Variants in CCDC18 observed in about 807,000 individuals in gnomAD.
The protein encoded by CCDC18 is coiled-coil domain-containing protein 18.
A neutral mutation model predicts 196.0 loss-of-function variants in CCDC18; 157 were observed. The observed-to-expected ratio is 0.80, with a 90% CI of 0.70 to 0.91. The LOEUF (loss-of-function observed/expected upper bound fraction) is 0.91. Among genes scored for constraint, CCDC18 ranks in the 40% least tolerant of loss-of-function variants. The pLI, the probability that CCDC18 is intolerant of heterozygous loss-of-function variation, is 0.00. For synonymous variants in CCDC18, 482 were observed against 529.2 expected, an observed-to-expected ratio of 0.91 and a Z score of 1.22; for missense variants, 1,465 against 1,611.6, an observed-to-expected ratio of 0.91 and a Z score of 1.56.
At chr1:93,184,429 T>C (rs1650278128) in intron 3 of CCDC18, among the ~76,000 whole-genome samples, 1 of 151,936 alleles carries the variant, frequency 6.6e-6, no homozygotes, top group African/African-American at 2.4e-5. Flanking sequence ...AAGTAAATTA[T>C]AATCCCCTTG....
At chr1:93,186,727 T>C (rs971764048) in intron 4 of CCDC18, among the ~76,000 whole-genome samples, 10 of 152,026 alleles carry the variant, frequency 6.6e-5, no homozygotes, top group Non-Finnish European at 1.5e-4. Flanking sequence ...TAAGTCAGCT[T>C]CTTAAGGTGT....
chr1:93,186,594 C>A, intron 4 of CCDC18, 91 bp downstream of exon 4: 2 of 981,324 alleles, frequency 2.0e-6, no homozygotes, highest in Non-Finnish European at 3.0e-6. Context: ...GCCACATTGC[C>A]TTAATGTGTT....
chr1:93,252,339 G>A (rs763217632), intron 23 of CCDC18, among the ~76,000 whole-genome samples: 1 of 152,126 alleles, frequency 6.6e-6, no homozygotes, highest in Non-Finnish European at 1.5e-5. Context: ...CCTCAGTTCT[G>A]ATTATATATT....
chr1:93,193,586 G>A lies in CCDC18; in HGVS notation c.570-30G>A, dbSNP rs180774063. 2,913 of 1,491,544 alleles carry A rather than the reference G, an allele frequency of 2.0e-3. 10 individuals are homozygous for A. The highest frequency in any genetic ancestry group is 1.0e-2 in the Middle Eastern group (51 of 5,102). 92.4% of individuals were successfully genotyped at this position (1,491,544 alleles called of 1,614,324 possible). A position where few individuals can be genotyped will look rare whatever the true frequency, so the allele number is the denominator to read the frequency against. On this transcript the variant is annotated intron_variant, in intron 5 of 28. Transcript: ENST00000690025. Reference sequence around the variant, plus strand: ...CATACCTGGGATAATCTCTTTAGTAGTCTTAAACAAAGTATCCTTTATTTT... The same window carrying A: ...CATACCTGGGATAATCTCTTTAGTAATCTTAAACAAAGTATCCTTTATTTT...
chr1:93,195,019 C>T (rs923779568), intron 6 of CCDC18, among the ~76,000 whole-genome samples: 2 of 152,134 alleles, frequency 1.3e-5, no homozygotes, highest in Non-Finnish European at 2.9e-5. Flanking sequence ...TACAGGCATG[C>T]ACTACCACAC....
At chr1:93,247,486 C>T (rs1000881220) in intron 23 of CCDC18, among the ~76,000 whole-genome samples, 1 of 152,110 alleles carries the variant, frequency 6.6e-6, no homozygotes, top group African/African-American at 2.4e-5. Flanking sequence ...ATGATCATAG[C>T]TCACTGCCGC....
rs1665148997 is a variant in CCDC18, at chr1:93,270,594, T to TA, written c.4136dup (p.Lys1380GlufsTer15). On this transcript the variant is annotated frameshift_variant, in exon 28 of 29. Coordinates refer to ENST00000690025, the MANE Select transcript of CCDC18 (RefSeq NM_001378204.1). LOFTEE classifies it high-confidence loss of function. ...CTTTCTGAAGAATTACTACAGGACT[T>TA]AAAGAAAATGCAATTAGAACAGCCT... is the stretch of plus-strand genomic sequence containing the variant. 3 of 1,550,268 alleles carry TA rather than the reference T, an allele frequency of 1.9e-6. No homozygotes were observed. The highest frequency in any genetic ancestry group is 2.0e-5 in the Admixed American group (1 of 50,978).
chr1:93,245,957 A>G (rs1453779439), intron 21 of CCDC18, 148 bp from the exon 22 acceptor site: 4 of 447,138 alleles, frequency 8.9e-6, no homozygotes, highest in Non-Finnish European at 1.6e-5. Flanking sequence ...TTTATCTATT[A>G]TTCCTTAAAT....
At chr1:93,242,935 C>T (rs1661014696) in intron 21 of CCDC18, among the ~76,000 whole-genome samples, 1 of 152,226 alleles carries the variant, frequency 6.6e-6, no homozygotes. Flanking sequence ...ACTTTGTAGG[C>T]TATAGCCTTT....
rs1661974454 is a variant in CCDC18 at position 93,249,695 on chromosome 1, A to C, written c.3198+2741A>C. Among the ~76,000 whole-genome samples, 2 of 152,214 alleles carry C rather than the reference A, an allele frequency of 1.3e-5. 1 individual carries two copies. The highest frequency in any genetic ancestry group is 4.1e-4 in the South Asian group (2 of 4,834). ...TTAGGCCACAAAATAAGTCTCATCA[A>C]ATTTTTAAAGGTAGAAATCCTATCA... is the stretch of plus-strand genomic sequence containing the variant. On this transcript the variant is annotated intron_variant, in intron 23 of 28. Coordinates refer to ENST00000690025, the MANE Select transcript of CCDC18 (RefSeq NM_001378204.1).
intron 4 of CCDC18, among the ~76,000 whole-genome samples, chr1:93,187,252 T>G (rs1650857747): frequency 6.6e-6 from 1 of 152,060 alleles, no homozygotes; most frequent in East Asian, 1.9e-4. Context: ...CAAAGTTGTT[T>G]GACTTGTATG....
In CCDC18 at chr1:93,210,830, C is replaced by A; in HGVS notation, c.1238C>A (p.Ser413Ter). The change falls in exon 10 of 29, where the codon TCA becomes TAA. Residue 413 changes from serine to a stop codon, truncating the protein, a stop_gained. Transcript: ENST00000690025. LOFTEE classifies it high-confidence loss of function. ...AAAAGAGAATTATTTGGCTTTAAAT[C>A]ATATCTTTCTAAATACCAGATGAGT... ...PLKRELFGFK[S>*]YLSKYQMSSF... 2 of 1,603,088 alleles carry A rather than the reference C, an allele frequency of 1.2e-6. No individual in the cohort carries two copies. The highest frequency in any genetic ancestry group is 1.7e-6 in the Non-Finnish European group (2 of 1,170,262).
rs756400688 is a variant in CCDC18, at chr1:93,207,338, A to T, written c.1149A>T (p.Gln383His). ...ATGAGCGACTAGATTTATGTCAACA[A>T]GAAATTGAAAGTTCAAGGGTAGAAC... ...AQNERLDLCQ[Q>H]EIESSRVELR... The change falls in exon 9 of 29, where the codon CAA becomes CAT. Residue 383 changes from glutamine (Q) to histidine (H), a missense_variant. Gln to His is a conservative substitution (Grantham distance 24). Coordinates refer to ENST00000690025, the MANE Select transcript of CCDC18 (RefSeq NM_001378204.1). 6.2e-7 allele frequency: 1 copy of T among 1,612,978 alleles called. No homozygotes were observed. The highest frequency in any genetic ancestry group is 8.5e-7 in the Non-Finnish European group (1 of 1,179,380).
In CCDC18 at chr1:93,239,711, T is replaced by A; in HGVS notation, c.2796T>A (p.Ser932Arg). ...AGGAGTTAGAAAAGTTACAGCACAG[T>A]ACTGAAACTGAACTAACAGAAGCCT... is the stretch of plus-strand genomic sequence containing the variant. ...AVKELEKLQH[S>R]TETELTEALQ... Residue 932 changes from serine to arginine, a missense_variant, in exon 21 of 29, where the codon AGT (serine) becomes AGA (arginine). Ser to Arg is a moderately radical substitution (Grantham distance 110). Coordinates refer to ENST00000690025, the MANE Select transcript of CCDC18 (RefSeq NM_001378204.1). 6.2e-7 allele frequency: 1 copy of A among 1,613,356 alleles called. No homozygotes were observed. Among genetic ancestry groups the A allele is most frequent in the South Asian group, 1.1e-5 (1 of 91,068 alleles).
At chr1:93,237,252 C>A (rs182397718) in intron 19 of CCDC18, among the ~76,000 whole-genome samples, 1,815 of 152,266 alleles carry the variant, frequency 0.012, 16 homozygotes, top group Non-Finnish European at 0.016. Flanking sequence ...CTTCTTTCTT[C>A]CATTGACAGA....
At chr1:93,224,705 G>A (rs1204298810) in intron 16 of CCDC18, among the ~76,000 whole-genome samples, 2 of 152,208 alleles carry the variant, frequency 1.3e-5, no homozygotes, top group Non-Finnish European at 2.9e-5. Flanking sequence ...AGTCTTTGAG[G>A]CCATGTGAAT....
At chr1:93,181,159 T>TTAAAAAAAAAA (rs777168910) in intron 1 of CCDC18, among the ~76,000 whole-genome samples, 1 of 89,874 alleles carries the variant, frequency 1.1e-5, no homozygotes, top group African/African-American at 4.3e-5. Flanking sequence ...TCTATAAAAT[T>TTAAAAAAAAAA]AAAAAAAAAA....
rs540378197 is a variant in CCDC18 at position 93,191,155 on chromosome 1, G to A, written c.463-845G>A. On this transcript the variant is annotated intron_variant, in intron 4 of 28. Transcript: ENST00000690025. ...GAATCCTTTAGTTTCTCACCTGTGG[G>A]ATAACCCAAAATGAAATTGAGTAGT... 162 of 469,094 alleles carry A rather than the reference G, an allele frequency of 3.5e-4. 2 individuals are homozygous for A. The highest frequency in any genetic ancestry group is 1.2e-3 in the Middle Eastern group (2 of 1,614). The allele number at this position is 469,094 out of a possible 1,614,324, so 29.1% of individuals were successfully genotyped here. A position where few individuals can be genotyped will look rare whatever the true frequency, so the allele number is the denominator to read the frequency against.
At chr1:93,188,502 C>G (rs1651108396) in intron 4 of CCDC18, among the ~76,000 whole-genome samples, 1 of 152,184 alleles carries the variant, frequency 6.6e-6, no homozygotes, top group Non-Finnish European at 1.5e-5. Flanking sequence ...GTCTTAATTT[C>G]TTCTTCACTC....
Sources: gnomAD v4.1 joint callset for allele counts (sites outside exome capture counted in the v4.1 genomes callset) on GRCh38, gnomAD v4.1.1 for gene constraint, MANE v1.5 for transcripts, NCBI Gene and HGNC (gene_info 2026-07-23, HGNC 2026-07-21) for gene names.